The following HOXD8 variants were observed in gnomAD, a reference collection of about 807,000 sequenced individuals.
The protein encoded by HOXD8 is homeobox D8.
A neutral mutation model predicts 25.4 loss-of-function variants in HOXD8; 17 were observed. The observed-to-expected ratio is 0.67, with a 90% confidence interval of 0.46 to 1.00. HOXD8 has a LOEUF of 1.00. HOXD8 is among the 50% of genes least tolerant of loss of function. The pLI is 0.00. For missense variants in HOXD8, 511 were observed against 398.5 expected, an observed-to-expected ratio of 1.28 and a Z score of -2.40; for synonymous variants, 203 against 175.3, an observed-to-expected ratio of 1.16 and a Z score of -1.25.
At position 176,130,293 on chromosome 2, in the gene HOXD8, C is replaced by A; in HGVS notation, c.-74C>A. The A allele has an allele frequency of 3.0e-6, 3 of 989,094 alleles. No homozygotes were observed. Among genetic ancestry groups the A allele is most frequent in the Non-Finnish European group, 4.0e-6 (3 of 755,454 alleles). The allele number at this position is 989,094 out of a possible 1,614,324, so 61.3% of individuals were successfully genotyped here. ...CGCCCCACAGGCCCCCGCGGCAGTG[C>A]GGCCGAGTCGAGGCTCGCTCTCTGG... On this transcript the variant is annotated 5_prime_UTR_variant, in exon 1 of 2. Transcript: ENST00000313173.
chr2:176,131,553 G>C lies in HOXD8; in HGVS notation c.814G>C (p.Glu272Gln). The C allele has an allele frequency of 6.2e-7, 1 of 1,611,534 alleles. No homozygotes were observed. The highest frequency in any genetic ancestry group is 8.5e-7 in the Non-Finnish European group (1 of 1,179,160). ...TTCCCGGCAGGAGGTGAAGGACGGG[G>C]AAACGAAAAAGGAAGCCCAAGAGCT... Reference protein sequence around the residue: ...PVSRQEVKDGETKKEAQELEE... With the variant: ...PVSRQEVKDGQTKKEAQELEE... Residue 272 changes from glutamate (E) to glutamine (Q), a missense_variant, in exon 2 of 2, where the codon GAA becomes CAA. By Grantham distance (29) the Glu-to-Gln change is conservative (BLOSUM62 2). Coordinates refer to ENST00000313173, the MANE Select transcript of HOXD8 (RefSeq NM_019558.4).
Position 176,131,323 on chromosome 2 carries a change from C to G in HOXD8, c.584C>G (p.Pro195Arg), listed in dbSNP as rs530344196. The G allele has an allele frequency of 1.3e-6, 2 of 1,585,434 alleles. No individual in the cohort carries two copies. The highest frequency in any genetic ancestry group is 2.3e-5 in the South Asian group (2 of 87,132). Residue 195 changes from proline to arginine, a missense_variant, in exon 2 of 2, where the codon CCT (proline) becomes CGT (arginine). Transcript: ENST00000313173. ...MFPWMRPQAAPGRRRGRQTYS... is the reference protein window; with the variant it reads ...MFPWMRPQAARGRRRGRQTYS... ...TTTTTTTTGTTTTAATCAGCAGCTCCTGGTAGACGAAGAGGAAGACAAACC... is the reference window on the plus strand; with the variant it reads ...TTTTTTTTGTTTTAATCAGCAGCTCGTGGTAGACGAAGAGGAAGACAAACC...
intron 1 of HOXD8, 25 bp from the exon 2 acceptor site, chr2:176,131,292 C>G (rs777151610): frequency 6.4e-7 from 1 of 1,562,084 alleles, no homozygotes; most frequent in Non-Finnish European, 8.6e-7. Context: ...TTTATTCCCC[C>G]CCCCTTTTTT....
At position 176,130,467 on chromosome 2, in the gene HOXD8, G is replaced by C. The variant is rs1374630582; in HGVS notation, c.101G>C (p.Cys34Ser). 1 of 1,492,906 alleles carries C rather than the reference G, an allele frequency of 6.7e-7. No homozygotes were observed. Among genetic ancestry groups the C allele is most frequent in the East Asian group, 2.8e-5 (1 of 35,238 alleles). 92.5% of individuals were successfully genotyped at this position (1,492,906 alleles called of 1,614,324 possible). A position where few individuals can be genotyped will look rare whatever the true frequency, so the allele number is the denominator to read the frequency against. The change falls in exon 1 of 2, where the codon TGT becomes TCT. Residue 34 changes from cysteine to serine, a missense_variant. Physicochemically the swap from Cys to Ser is moderately radical, Grantham distance 112 (BLOSUM62 -1). Coordinates refer to ENST00000313173, the MANE Select transcript of HOXD8 (RefSeq NM_019558.4). ...GEAINPTYYD[C>S]HFAPEVGGRH... ...GCCATCAATCCCACTTACTACGACT[G>C]TCACTTCGCGCCCGAGGTCGGCGGC... is the stretch of plus-strand genomic sequence containing the variant.
At position 176,131,606 on chromosome 2, in the gene HOXD8, A is replaced by T. The variant is rs191736932; in HGVS notation, c.867A>T (p.Thr289=). Residue 289 remains threonine (T), a synonymous_variant, in exon 2 of 2, where the codon ACA becomes ACT. Coordinates refer to ENST00000313173, the MANE Select transcript of HOXD8 (RefSeq NM_019558.4). ...AGGAAGACAGAGCCGAAGGCCTGAC[A>T]AATTAACTTCTACCTTTAAAATTTA... is the stretch of plus-strand genomic sequence containing the variant. ...ELEEDRAEGL[T]N The T allele has an allele frequency of 2.0e-4, 305 of 1,550,732 alleles. No individual in the cohort carries two copies. The highest frequency in any genetic ancestry group is 8.8e-4 in the Admixed American group (46 of 52,298).
chr2:176,130,890 A>G lies in HOXD8; in HGVS notation c.524A>G (p.His175Arg), dbSNP rs1309772288. Residue 175 changes from histidine (H) to arginine (R), a missense_variant, in exon 1 of 2, where the codon CAC becomes CGC. By Grantham distance (29) the His-to-Arg change is conservative. Transcript: ENST00000313173. Reference sequence around the variant, plus strand: ...GGTAATATTGGCGAGGACCCAGACCACTTAAATCAGAGCTCGTCTCCTTCT... The same window carrying G: ...GGTAATATTGGCGAGGACCCAGACCGCTTAAATCAGAGCTCGTCTCCTTCT... ...SSGNIGEDPD[H>R]LNQSSSPSQM... The G allele has an allele frequency of 6.2e-7, 1 of 1,609,204 alleles. No individual in the cohort carries two copies.
rs1397602721 is a variant in HOXD8, at chr2:176,130,402, G to C, written c.36G>C (p.Lys12Asn). Residue 12 changes from lysine to asparagine, a missense_variant, in exon 1 of 2, where the codon AAG becomes AAC. Coordinates refer to ENST00000313173, the MANE Select transcript of HOXD8 (RefSeq NM_019558.4). ...SSYFVNPLYSKYKAAAAAAAA... is the reference protein window; with the variant it reads ...SSYFVNPLYSNYKAAAAAAAA... ...ACTTCGTGAACCCGCTGTACTCCAA[G>C]TACAAGGCGGCGGCTGCGGCGGCGG... 17 of 1,488,006 alleles carry C rather than the reference G, an allele frequency of 1.1e-5. No homozygotes were observed. Among genetic ancestry groups the C allele is most frequent in the Admixed American group, 6.9e-5 (3 of 43,380 alleles). The allele number at this position is 1,488,006 out of a possible 1,614,324, so 92.2% of individuals were successfully genotyped here.
Position 176,131,851 on chromosome 2 carries a change from G to C in HOXD8, c.*239G>C. 2.6e-6 allele frequency: 1 copy of C among 387,344 alleles called. No individual in the cohort carries two copies. Among genetic ancestry groups the C allele is most frequent in the Non-Finnish European group, 4.6e-6 (1 of 218,834 alleles). The allele number at this position is 387,344 out of a possible 1,614,324, so 24.0% of individuals were successfully genotyped here. A position where few individuals can be genotyped will look rare whatever the true frequency, so the allele number is the denominator to read the frequency against. ...AGGGTAATTTGATACTGACCTTGTA[G>C]CTATATTTTTATAATGGTTTTTAAT... On this transcript the variant is annotated 3_prime_UTR_variant, in exon 2 of 2. Coordinates refer to ENST00000313173, the MANE Select transcript of HOXD8 (RefSeq NM_019558.4).
At position 176,131,788 on chromosome 2, in the gene HOXD8, A is replaced by G. The variant is rs1204326896; in HGVS notation, c.*176A>G. The G allele has an allele frequency of 1.7e-6, 1 of 576,008 alleles. No individual in the cohort carries two copies. Among genetic ancestry groups the G allele is most frequent in the South Asian group, 2.4e-5 (1 of 42,116 alleles). The allele number at this position is 576,008 out of a possible 1,614,324, so 35.7% of individuals were successfully genotyped here. On this transcript the variant is annotated 3_prime_UTR_variant, in exon 2 of 2. Transcript: ENST00000313173. ...GATTTGGGTGTTTAAAAAAGTTTCTAGTATCACATAGAAGCTGTCCTTGAG... is the reference window on the plus strand; with the variant it reads ...GATTTGGGTGTTTAAAAAAGTTTCTGGTATCACATAGAAGCTGTCCTTGAG...
rs753099120 is a variant in HOXD8 at position 176,130,694 on chromosome 2, C to G, written c.328C>G (p.Pro110Ala). The G allele has an allele frequency of 3.8e-6, 6 of 1,588,870 alleles. No individual in the cohort carries two copies. The highest frequency in any genetic ancestry group is 1.4e-5 in the African/African-American group (1 of 73,914). ...GGCCGCTGCCTACCAGGCCGCCCCC[C>G]CTCCTCCTCCGCATCCTCCGCCTCC... The part of the protein sequence containing the change: ...SPAAAYQAAP[P>A]PPPHPPPPPP... The change falls in exon 1 of 2, where the codon CCT becomes GCT. Residue 110 changes from proline to alanine, a missense_variant. Physicochemically the swap from Pro to Ala is conservative, Grantham distance 27. Transcript: ENST00000313173.
rs965108762 is a variant in HOXD8 at position 176,130,277 on chromosome 2, G to A, written c.-90G>A. 4 of 773,686 alleles carry A rather than the reference G, an allele frequency of 5.2e-6. No individual in the cohort carries two copies. The highest frequency in any genetic ancestry group is 7.0e-6 in the Non-Finnish European group (4 of 570,662). 47.9% of individuals were successfully genotyped at this position (773,686 alleles called of 1,614,324 possible). On this transcript the variant is annotated 5_prime_UTR_variant, in exon 1 of 2. Coordinates refer to ENST00000313173, the MANE Select transcript of HOXD8 (RefSeq NM_019558.4). ...CGGCGGCGAGAGCAGCCGCCCCACA[G>A]GCCCCCGCGGCAGTGCGGCCGAGTC...
In HOXD8 at chr2:176,129,770, C is replaced by A. The variant is rs529259495; in HGVS notation, c.-597C>A. On this transcript the variant is annotated 5_prime_UTR_variant, in exon 1 of 2. Coordinates refer to ENST00000313173, the MANE Select transcript of HOXD8 (RefSeq NM_019558.4). ...GCAGTGCTGTGGTGCGAAAATGCCT[C>A]GCCGGTGCGCACCGGGTCGGCAGCC... 3 of 225,968 alleles carry A rather than the reference C, an allele frequency of 1.3e-5. No individual in the cohort carries two copies. The allele number at this position is 225,968 out of a possible 1,614,324, so 14.0% of individuals were successfully genotyped here. A position where few individuals can be genotyped will look rare whatever the true frequency, so the allele number is the denominator to read the frequency against.
rs755174919 is a variant in HOXD8, at chr2:176,131,444, C to T, written c.705C>T (p.Ala235=). ...GAATCGAGGTTTCCCACGCCCTAGC[C>T]CTCACCGAGAGACAGGTAAAAATCT... ...KRRIEVSHAL[A]LTERQVKIWF... Residue 235 remains alanine, a synonymous_variant, in exon 2 of 2, where the codon GCC becomes GCT. Transcript: ENST00000313173. 2 of 1,613,460 alleles carry T rather than the reference C, an allele frequency of 1.2e-6. No homozygotes were observed. Among genetic ancestry groups the T allele is most frequent in the Non-Finnish European group, 1.7e-6 (2 of 1,179,858 alleles).
chr2:176,131,386 T>G lies in HOXD8; in HGVS notation c.647T>G (p.Phe216Cys). Residue 216 changes from phenylalanine to cysteine, a missense_variant, in exon 2 of 2, where the codon TTT becomes TGT. Physicochemically the swap from Phe to Cys is radical, Grantham distance 205. Coordinates refer to ENST00000313173, the MANE Select transcript of HOXD8 (RefSeq NM_019558.4). ...CAAACTCTAGAGTTGGAAAAGGAAT[T>G]TCTTTTTAACCCCTATCTGACCAGG... ...RFQTLELEKE[F>C]LFNPYLTRKR... 6.2e-7 allele frequency: 1 copy of G among 1,613,182 alleles called. No individual in the cohort carries two copies.
Position 176,131,701 on chromosome 2 carries a change from C to G in HOXD8, c.*89C>G, listed in dbSNP as rs1413737866. On this transcript the variant is annotated 3_prime_UTR_variant, in exon 2 of 2. Coordinates refer to ENST00000313173, the MANE Select transcript of HOXD8 (RefSeq NM_019558.4). ...ACCTATTTTCTTTGTTGGAAAGGACCTTACCTGTGTTTCAAGCTACCTTCA... is the reference window on the plus strand; with the variant it reads ...ACCTATTTTCTTTGTTGGAAAGGACGTTACCTGTGTTTCAAGCTACCTTCA... 1 of 710,098 alleles carries G rather than the reference C, an allele frequency of 1.4e-6. No homozygotes were observed. Among genetic ancestry groups the G allele is most frequent in the Non-Finnish European group, 2.4e-6 (1 of 423,888 alleles). 44.0% of individuals were successfully genotyped at this position (710,098 alleles called of 1,614,324 possible).
At position 176,130,618 on chromosome 2, in the gene HOXD8, C is replaced by T. The variant is rs1414176542; in HGVS notation, c.252C>T (p.Gly84=). ...PSPPPSGTGC[G]GREGRGQEYF... The stretch of plus-strand genomic sequence containing the variant: ...CGCCGCCCTCCGGGACTGGGTGCGG[C>T]GGTAGGGAAGGCCGGGGCCAGGAGT... Residue 84 remains glycine (G), a synonymous_variant, in exon 1 of 2, where the codon GGC becomes GGT. Transcript: ENST00000313173. 1.3e-6 allele frequency: 2 copies of T among 1,509,268 alleles called. No homozygotes were observed. Among genetic ancestry groups the T allele is most frequent in the Non-Finnish European group, 1.8e-6 (2 of 1,141,194 alleles). The allele number at this position is 1,509,268 out of a possible 1,614,324, so 93.5% of individuals were successfully genotyped here. A position where few individuals can be genotyped will look rare whatever the true frequency, so the allele number is the denominator to read the frequency against.
chr2:176,130,341 C>T lies in HOXD8; in HGVS notation c.-26C>T. ...TGGCTGCTTAGCGCCGCCCGCCCGC[C>T]CGGGGCCGCCGCCGCTGACGCCCCA... On this transcript the variant is annotated 5_prime_UTR_variant, in exon 1 of 2. Transcript: ENST00000313173. 1 of 1,380,944 alleles carries T rather than the reference C, an allele frequency of 7.2e-7. No homozygotes were observed. Among genetic ancestry groups the T allele is most frequent in the Non-Finnish European group, 9.3e-7 (1 of 1,076,694 alleles). 85.5% of individuals were successfully genotyped at this position (1,380,944 alleles called of 1,614,324 possible).
chr2:176,131,002 G>T lies in HOXD8; in HGVS notation c.577+59G>T, dbSNP rs577550151. 56 of 1,180,952 alleles carry T rather than the reference G, an allele frequency of 4.7e-5. No homozygotes were observed. The East Asian group carries it at 1.4e-3, about 30-fold the overall frequency. The allele number at this position is 1,180,952 out of a possible 1,614,324, so 73.2% of individuals were successfully genotyped here. A position where few individuals can be genotyped will look rare whatever the true frequency, so the allele number is the denominator to read the frequency against. ...GGGGAGAAATCTGCTTTCATCTCAC[G>T]TTCTGGCTTTAAAACTCCCGTTCCC... On this transcript the variant is annotated intron_variant, in intron 1 of 1. Coordinates refer to ENST00000313173, the MANE Select transcript of HOXD8 (RefSeq NM_019558.4).
Position 176,130,910 on chromosome 2 carries a change from CCTT to C in HOXD8, c.547_549del (p.Ser183del), listed in dbSNP as rs771423872. The C allele has an allele frequency of 1.5e-5, 24 of 1,601,368 alleles. No homozygotes were observed. The highest frequency in any genetic ancestry group is 2.0e-5 in the Non-Finnish European group (23 of 1,172,752). ...AGACCACTTAAATCAGAGCTCGTCT[CCTT>C]CTCAAATGTTTCCGTGGATGAGACC... On this transcript the variant is annotated inframe_deletion, in exon 1 of 2. Transcript: ENST00000313173.
Sources: gnomAD v4.1 joint callset for allele counts on GRCh38, gnomAD v4.1.1 for gene constraint, MANE v1.5 for transcripts, NCBI Gene and HGNC (gene_info 2026-07-23, HGNC 2026-07-21) for gene names.